Variants in MTA3 observed in about 807,000 individuals in gnomAD.
MTA3 encodes the protein metastasis associated 1 family member 3.
MTA3 carries 34 observed loss-of-function variants against 83.5 expected under a neutral mutation model. That is an observed-to-expected ratio of 0.41 (90% CI 0.31 to 0.54). The LOEUF is 0.54. Among genes scored for constraint, MTA3 ranks in the 20% least tolerant of loss-of-function variants. MTA3 has a pLI of 0.33. For missense variants in MTA3, 761 were observed against 726.4 expected, an observed-to-expected ratio of 1.05 and a Z score of -0.55; for synonymous variants, 303 against 252.7, an observed-to-expected ratio of 1.20 and a Z score of -1.89.
At chr2:42,531,362 C>G (rs772184242) in intron 2 of MTA3, among the ~76,000 whole-genome samples, 1 of 151,212 alleles carries the variant, frequency 6.6e-6, no homozygotes, top group African/African-American at 2.4e-5. Context: ...CAAAGCAATT[C>G]CAAACTAGTA....
chr2:42,521,189 G>T (rs1040621920), intron 2 of MTA3, among the ~76,000 whole-genome samples: 2 of 152,128 alleles, frequency 1.3e-5, no homozygotes, highest in African/African-American at 4.8e-5. Context: ...CATATCTGTT[G>T]CTCTCTTCTT....
intron 3 of MTA3, among the ~76,000 whole-genome samples, chr2:42,599,538 C>A (rs113744330): frequency 6.6e-6 from 1 of 151,598 alleles, no homozygotes; most frequent in African/African-American, 2.4e-5. Context: ...TGCAGTGAGC[C>A]GAGATTGCGC....
intron 5 of MTA3, among the ~76,000 whole-genome samples, chr2:42,641,721 C>A (rs985528210): frequency 6.6e-6 from 1 of 152,078 alleles, no homozygotes; most frequent in Non-Finnish European, 1.5e-5. Context: ...CAAAAATTAA[C>A]CGGGCGTGGT....
chr2:42,734,781 A>T (rs1183744585), intron 16 of MTA3, among the ~76,000 whole-genome samples: 2 of 152,108 alleles, frequency 1.3e-5, no homozygotes, highest in African/African-American at 4.8e-5. Context: ...GTTATTTTAA[A>T]CTGATGCCAA....
At position 42,755,540 on chromosome 2, in the gene MTA3, G is replaced by A; in HGVS notation, c.*2141G>A. On this transcript the variant is annotated 3_prime_UTR_variant, in exon 17 of 17. Coordinates refer to ENST00000405094, the MANE Select transcript of MTA3 (RefSeq NM_001330442.2). ...TGTAAGTAAAGCTCGTGGTTCTGTA[G>A]TCCAGTCATCCTAGGAGGGTGATGT... The A allele has an allele frequency of 1.0e-6, 1 of 985,448 alleles. No individual in the cohort carries two copies. The highest frequency in any genetic ancestry group is 1.7e-5 in the African/African-American group (1 of 57,364). The allele number at this position is 985,448 out of a possible 1,614,324, so 61.0% of individuals were successfully genotyped here.
intron 16 of MTA3, among the ~76,000 whole-genome samples, chr2:42,737,282 G>C (rs1232419563): frequency 6.6e-6 from 1 of 152,176 alleles, no homozygotes; most frequent in African/African-American, 2.4e-5. Context: ...CAGTGGAAGG[G>C]CTTGCCAGAA....
At chr2:42,678,727 G>A (rs1691605129) in intron 8 of MTA3, among the ~76,000 whole-genome samples, 1 of 152,158 alleles carries the variant, frequency 6.6e-6, no homozygotes, top group African/African-American at 2.4e-5. Flanking sequence ...GTTACTCGGT[G>A]AACAAATTCA....
At chr2:42,594,730 T>TATATA (rs1558473027) in intron 3 of MTA3, among the ~76,000 whole-genome samples, 1 of 14,048 alleles carries the variant, frequency 7.1e-5, no homozygotes, top group Admixed American at 1.1e-3. Context: ...ATATATATAT[T>TATATA]TTTTTTTTTT....
intron 3 of MTA3, among the ~76,000 whole-genome samples, chr2:42,594,627 G>T: frequency 7.6e-6 from 1 of 131,866 alleles, no homozygotes; most frequent in Admixed American, 8.6e-5. Context: ...TGACTGAAGT[G>T]GAACATCTTT....
In MTA3 at chr2:42,640,256, G is replaced by T; in HGVS notation, c.381+20G>T. Reference sequence around the variant, plus strand: ...AAGGAGGTAATTCACAATCATAGTTGTTTTGTTTTTTTCTCCCTTTATTTC... The same window carrying T: ...AAGGAGGTAATTCACAATCATAGTTTTTTTGTTTTTTTCTCCCTTTATTTC... On this transcript the variant is annotated intron_variant, in intron 5 of 16. Coordinates refer to ENST00000405094, the MANE Select transcript of MTA3 (RefSeq NM_001330442.2). The T allele has an allele frequency of 1.3e-6, 2 of 1,567,250 alleles. No homozygotes were observed. The highest frequency in any genetic ancestry group is 1.7e-6 in the Non-Finnish European group (2 of 1,155,256).
At chr2:42,721,330 CTTTTTTTTTTTT>C (rs773375150) in intron 15 of MTA3, among the ~76,000 whole-genome samples, 1 of 138,198 alleles carries the variant, frequency 7.2e-6, no homozygotes, top group African/African-American at 2.6e-5. Flanking sequence ...TTTTCTTTTT[CTTTTTTTTTTTT>C]TTTGAGATAG....
At chr2:42,507,613 TTA>T in intron 2 of MTA3, among the ~76,000 whole-genome samples, 1 of 151,654 alleles carries the variant, frequency 6.6e-6, no homozygotes, top group Admixed American at 6.6e-5. Context: ...TGTGAAAAGA[TTA>T]TGTTTTTAAT....
chr2:42,591,414 C>CT (rs1437951119), intron 3 of MTA3, among the ~76,000 whole-genome samples: 1 of 152,144 alleles, frequency 6.6e-6, no homozygotes, highest in Non-Finnish European at 1.5e-5. Context: ...CCACTGTAGA[C>CT]TTACTAAACA....
chr2:42,607,956 A>T (rs1454127536), intron 3 of MTA3, among the ~76,000 whole-genome samples: 1 of 152,240 alleles, frequency 6.6e-6, no homozygotes, highest in East Asian at 1.9e-4. Context: ...GTCTAAAAAA[A>T]AGTTATACAA....
intron 2 of MTA3, among the ~76,000 whole-genome samples, chr2:42,540,136 C>G (rs1174482086): frequency 1.3e-5 from 2 of 151,416 alleles, no homozygotes. Context: ...AGGTGGGGGC[C>G]CATTACAGCC....
chr2:42,745,577 G>A (rs769467336), intron 16 of MTA3, among the ~76,000 whole-genome samples: 4 of 151,988 alleles, frequency 2.6e-5, no homozygotes, highest in Non-Finnish European at 5.9e-5. Context: ...GGGGGCAGGG[G>A]GTCTTGCTAT....
At chr2:42,616,251 C>A (rs542160370) in intron 4 of MTA3, among the ~76,000 whole-genome samples, 1 of 151,896 alleles carries the variant, frequency 6.6e-6, no homozygotes, top group Non-Finnish European at 1.5e-5. Flanking sequence ...TTAGTTGAGA[C>A]GGGGTTTCAC....
chr2:42,669,943 T>C (rs1690645170), intron 8 of MTA3, among the ~76,000 whole-genome samples: 1 of 152,188 alleles, frequency 6.6e-6, no homozygotes, highest in African/African-American at 2.4e-5. Context: ...TTTACAAGTA[T>C]GAGTTAGTGG....
intron 2 of MTA3, among the ~76,000 whole-genome samples, chr2:42,508,038 G>C (rs575829000): frequency 7.2e-5 from 11 of 151,980 alleles, no homozygotes; most frequent in Admixed American, 1.3e-4. Flanking sequence ...GCCCATTCTT[G>C]CTGGTTTCTG....
Sources: gnomAD v4.1 joint callset for allele counts (sites outside exome capture counted in the v4.1 genomes callset) on GRCh38, gnomAD v4.1.1 for gene constraint, MANE v1.5 for transcripts, NCBI Gene and HGNC (gene_info 2026-07-23, HGNC 2026-07-21) for gene names.